SPRY3: variants seen among roughly 807,000 people sequenced by gnomAD.
The protein encoded by SPRY3 is protein sprouty homolog 3.
SPRY3 carries 15 observed loss-of-function variants against 20.2 expected under a neutral mutation model. That is an observed-to-expected ratio of 0.74 (90% CI 0.50 to 1.14). The LOEUF (loss-of-function observed/expected upper bound fraction) is 1.14, where lower values mean the gene tolerates loss of function less well. Among genes scored for constraint, SPRY3 ranks in the 50% most tolerant of loss-of-function variants. The pLI is 0.00. For synonymous variants in SPRY3, 143 were observed against 136.5 expected (o/e 1.05, Z -0.33); for missense variants, 364 against 363.9 (o/e 1.00, Z 0.00).
At chrX:155,618,466 C>T (rs1396516693) in intron 1 of SPRY3, among the ~76,000 whole-genome samples, 1 of 111,708 alleles carries the variant, frequency 9.0e-6, no homozygotes, top group Non-Finnish European at 1.9e-5. Flanking sequence ...TTTCTATTAT[C>T]AGTGAAGCTT....
At chrX:155,724,957 G>C (rs1165613388) in intron 2 of SPRY3, among the ~76,000 whole-genome samples, 1 of 152,088 alleles carries the variant, frequency 6.6e-6, no homozygotes. Context: ...CTATGGGTTT[G>C]TCATAAACAG....
chrX:155,714,024 C>G (rs2091004533), intron 2 of SPRY3, among the ~76,000 whole-genome samples: 1 of 152,126 alleles, frequency 6.6e-6, no homozygotes, highest in South Asian at 2.1e-4. Context: ...ATTTTTAACT[C>G]TAGAATTTTT....
chrX:155,740,968 C>T (rs1028959583), intron 2 of SPRY3, among the ~76,000 whole-genome samples: 1 of 152,096 alleles, frequency 6.6e-6, no homozygotes, highest in African/African-American at 2.4e-5. Flanking sequence ...CTCTTTATTT[C>T]TCAGCCGGCC....
intron 2 of SPRY3, among the ~76,000 whole-genome samples, chrX:155,759,039 G>A (rs1459669192): frequency 1.3e-5 from 2 of 150,978 alleles, no homozygotes; most frequent in Non-Finnish European, 3.0e-5. Flanking sequence ...TGTGCATGCC[G>A]TTTCTCTGCT....
At position 155,703,456 on chromosome X, in the gene SPRY3, G is replaced by T. The variant is rs1392521598; in HGVS notation, c.-282+46431G>T. ...AGTTTGTATTTCTGTGGGATCGGTG[G>T]TGATATCCCCTTTATCATTTTTTAT... is the stretch of plus-strand genomic sequence containing the variant. On this transcript the variant is annotated intron_variant, in intron 2 of 3. Transcript: ENST00000675360. Among the ~76,000 whole-genome samples the T allele has an allele frequency of 2.4e-4, 3 of 12,666 alleles. No homozygotes were observed. The East Asian group carries it at 3.8e-3, about 16-fold the overall frequency. 8.3% of individuals were successfully genotyped at this position (12,666 alleles called of 152,430 possible). A position where few individuals can be genotyped will look rare whatever the true frequency, so the allele number is the denominator to read the frequency against.
intron 2 of SPRY3, among the ~76,000 whole-genome samples, chrX:155,729,363 T>A (rs2091118693): frequency 6.6e-6 from 1 of 152,066 alleles, no homozygotes; most frequent in East Asian, 1.9e-4. Flanking sequence ...ATCAAGCATC[T>A]TTTCTGACCA....
chrX:155,766,092 G>T (rs1170217025), intron 2 of SPRY3, among the ~76,000 whole-genome samples: 12 of 152,114 alleles, frequency 7.9e-5, no homozygotes, highest in Non-Finnish European at 1.3e-4. Flanking sequence ...TTCCAAATGG[G>T]AAAAGAGAGC....
At chrX:155,776,611 G>C (rs1388080785) in exon 4 of SPRY3, 4 of 166,988 alleles carry the variant, frequency 2.4e-5, no homozygotes, top group Non-Finnish European at 5.9e-5. Context: ...CAGAGATTGA[G>C]GGCACTTGCT....
At chrX:155,674,934 T>G (rs1278798688) in intron 2 of SPRY3, among the ~76,000 whole-genome samples, 1 of 111,939 alleles carries the variant, frequency 8.9e-6, no homozygotes, top group Non-Finnish European at 1.9e-5. Flanking sequence ...TTAACCATTT[T>G]CTATTTGATT....
chrX:155,679,809 C>T (rs778937442), intron 2 of SPRY3, among the ~76,000 whole-genome samples: 13 of 110,902 alleles, frequency 1.2e-4, no homozygotes, highest in Non-Finnish European at 1.9e-4. Flanking sequence ...GTTGAATGAT[C>T]GGCAAAGGTT....
At chrX:155,687,543 T>A (rs971420156) in intron 2 of SPRY3, among the ~76,000 whole-genome samples, 1 of 112,372 alleles carries the variant, frequency 8.9e-6, no homozygotes, top group Admixed American at 9.4e-5. Context: ...GGAACTCAAA[T>A]AATGTCAAGG....
At chrX:155,734,863 C>T (rs1488576464) in intron 2 of SPRY3, among the ~76,000 whole-genome samples, 1 of 151,650 alleles carries the variant, frequency 6.6e-6, no homozygotes, top group Non-Finnish European at 1.5e-5. Context: ...TTGATTGCTG[C>T]CCTAATTTTA....
chrX:155,743,107 A>G (rs2091211047), intron 2 of SPRY3, among the ~76,000 whole-genome samples: 1 of 152,186 alleles, frequency 6.6e-6, no homozygotes, highest in South Asian at 2.1e-4. Flanking sequence ...AGAATCAAAT[A>G]GACACAATCA....
At chrX:155,700,633 T>TTTTTTTTTAGGACTTAAG (rs1159346291) in intron 2 of SPRY3, among the ~76,000 whole-genome samples, 7 of 81,366 alleles carry the variant, frequency 8.6e-5, no homozygotes, top group African/African-American at 1.9e-4. Context: ...TTTTTTTTTT[T>TTTTTTTTTAGGACTTAAG]ATTATACTCT....
At chrX:155,692,187 T>G (rs1194360381) in intron 2 of SPRY3, among the ~76,000 whole-genome samples, 1 of 110,943 alleles carries the variant, frequency 9.0e-6, no homozygotes, top group Admixed American at 9.6e-5. Context: ...TACAGCTTTA[T>G]ATTTTACATT....
chrX:155,624,517 CATCTATCTATCT>C (rs141240143), intron 1 of SPRY3, among the ~76,000 whole-genome samples: 406 of 102,284 alleles, frequency 4.0e-3, no homozygotes, highest in South Asian at 0.012. Context: ...ATTTATCTAT[CATCTATCTATCT>C]ATCTATCTAT....
intron 2 of SPRY3, among the ~76,000 whole-genome samples, chrX:155,711,517 T>C (rs1303633252): frequency 1.3e-5 from 2 of 151,700 alleles, no homozygotes; most frequent in Non-Finnish European, 3.0e-5. Context: ...GTTTCATCTC[T>C]GATTTTATTT....
chrX:155,730,010 A>C (rs2091122948), intron 2 of SPRY3, among the ~76,000 whole-genome samples: 1 of 152,164 alleles, frequency 6.6e-6, no homozygotes, highest in Non-Finnish European at 1.5e-5. Context: ...ACCATGAAGA[A>C]ATCTTAACCT....
chrX:155,750,395 A>G (rs1186985912), intron 2 of SPRY3, among the ~76,000 whole-genome samples: 2 of 152,014 alleles, frequency 1.3e-5, no homozygotes, highest in East Asian at 3.9e-4. Context: ...TACTCATGTA[A>G]CAAACCTGCA....
Sources: gnomAD v4.1 joint callset for allele counts (sites outside exome capture counted in the v4.1 genomes callset) on GRCh38, gnomAD v4.1.1 for gene constraint, MANE v1.5 for transcripts, NCBI Gene and HGNC (gene_info 2026-07-23, HGNC 2026-07-21) for gene names.